Variants in GPHN observed in about 807,000 individuals in gnomAD.
GPHN encodes gephyrin.
In GPHN, 17 loss-of-function variants were observed where a neutral mutation model predicts 95.5. The observed-to-expected ratio is 0.18, with a 90% CI of 0.12 to 0.27. The LOEUF (loss-of-function observed/expected upper bound fraction) is 0.27, where lower values mean the gene tolerates loss of function less well. Among genes scored for constraint, GPHN ranks in the 10% least tolerant of loss-of-function variants. The pLI is 1.00. For missense variants in GPHN, 660 were observed against 978.1 expected (o/e 0.67, Z 4.34); for synonymous variants, 320 against 322.5 (o/e 0.99, Z 0.08).
At chr14:67,329,237 C>T in the GPHN span, among the ~76,000 whole-genome samples, 1 of 152,154 alleles carries the variant, frequency 6.6e-6, no homozygotes, top group African/African-American at 2.4e-5. Context: ...CTCTTTGTAG[C>T]AATTGTGAAT....
chr14:66,577,405 A>G (rs1723014889), intron 1 of GPHN, among the ~76,000 whole-genome samples: 1 of 152,176 alleles, frequency 6.6e-6, no homozygotes, highest in African/African-American at 2.4e-5. Flanking sequence ...TGTGCTTTCT[A>G]CCACACACCA....
the GPHN span, chr14:67,582,055 T>C: frequency 6.2e-6 from 10 of 1,603,910 alleles, no homozygotes; most frequent in South Asian, 1.0e-4. The surrounding 1 kb of genome is among the most constrained non-coding windows in gnomAD (Gnocchi z 5.0). Flanking sequence ...GGTTTCTTAT[T>C]CTCTTCTTTG....
chr14:67,663,074 G>A, the GPHN span: 1 of 1,471,930 alleles, frequency 6.8e-7, no homozygotes, highest in Non-Finnish European at 8.9e-7. Flanking sequence ...TTTTTCTCTG[G>A]GTGTGGCACC....
chr14:66,577,080 G>A (rs1187116014), intron 1 of GPHN, among the ~76,000 whole-genome samples: 4 of 152,106 alleles, frequency 2.6e-5, no homozygotes, highest in African/African-American at 9.7e-5. Flanking sequence ...CAGTTTAATT[G>A]CCTAGGAATC....
intron 1 of GPHN, 32 bp from the exon 2 acceptor site, chr14:66,681,075 A>G (rs1370819488): frequency 7.7e-7 from 1 of 1,305,274 alleles, no homozygotes; most frequent in Non-Finnish European, 1.1e-6. Context: ...GACAAAAATT[A>G]ATTTTTTTTT....
At chr14:66,517,524 C>T (rs1273928211) in intron 1 of GPHN, among the ~76,000 whole-genome samples, 1 of 152,182 alleles carries the variant, frequency 6.6e-6, no homozygotes, top group Non-Finnish European at 1.5e-5. Context: ...AGACATCATA[C>T]TATCAGACTT....
the GPHN span, among the ~76,000 whole-genome samples, chr14:67,732,536 CAAA>C: frequency 1.5e-5 from 2 of 130,126 alleles, no homozygotes; most frequent in African/African-American, 3.0e-5. Flanking sequence ...CCAAACAAAG[CAAA>C]AAAAAAAAAA....
chr14:67,320,999 AT>A, the GPHN span: 4 of 1,416,254 alleles, frequency 2.8e-6, no homozygotes, highest in Non-Finnish European at 4.0e-6. Flanking sequence ...TAGCAGAATT[AT>A]CCCCTGTCCT....
chr14:66,965,964 G>A (rs2069297401), intron 9 of GPHN, among the ~76,000 whole-genome samples: 1 of 152,098 alleles, frequency 6.6e-6, no homozygotes, highest in South Asian at 2.1e-4. Flanking sequence ...TTGTATACAT[G>A]ATAAATTAAC....
At chr14:67,105,834 T>C (rs1221784696) in intron 13 of GPHN, among the ~76,000 whole-genome samples, 1 of 152,158 alleles carries the variant, frequency 6.6e-6, no homozygotes, top group African/African-American at 2.4e-5. Context: ...CATTTAAGGT[T>C]ATTACTGATA....
At chr14:67,273,390 G>T in the GPHN span, among the ~76,000 whole-genome samples, 1 of 151,164 alleles carries the variant, frequency 6.6e-6, no homozygotes, top group Non-Finnish European at 1.5e-5. Flanking sequence ...TTCTGTCCTT[G>T]TGAAAATTTG....
chr14:66,692,357 C>T (rs2067839238), intron 2 of GPHN, among the ~76,000 whole-genome samples: 1 of 152,040 alleles, frequency 6.6e-6, no homozygotes, highest in Non-Finnish European at 1.5e-5. Context: ...CAACTACCTG[C>T]TAGGAACTAA....
intron 12 of GPHN, among the ~76,000 whole-genome samples, chr14:67,092,993 G>A (rs3784078): frequency 6.6e-6 from 1 of 151,788 alleles, no homozygotes; most frequent in East Asian, 1.9e-4. Flanking sequence ...GCAAAAATAT[G>A]TTAGAACTCC....
At chr14:66,790,456 C>T (rs2153471100) in intron 3 of GPHN, among the ~76,000 whole-genome samples, 1 of 152,284 alleles carries the variant, frequency 6.6e-6, no homozygotes, top group East Asian at 1.9e-4. Context: ...AAGCCTAGAG[C>T]AGTAAATTTT....
At chr14:67,620,055 G>A in the GPHN span, 1 of 1,611,204 alleles carries the variant, frequency 6.2e-7, no homozygotes, top group African/African-American at 1.3e-5. Context: ...TCCACTCCGT[G>A]GCTGTGATAG....
At chr14:67,137,484 CCAGGTGCAGTGGCT>C (rs1375547881) in intron 17 of GPHN, among the ~76,000 whole-genome samples, 6 of 152,010 alleles carry the variant, frequency 3.9e-5, no homozygotes, top group Non-Finnish European at 7.4e-5. Context: ...TATTTTTCGG[CCAGGTGCAGTGGCT>C]CATGCCTGTA....
rs539376496 is a variant in GPHN, at chr14:66,980,176, T to G, written c.963+14851T>G. ...ACAGAGACAGGAAGTGAGCACTTGC[T>G]GTTGGAAAATTGGTGACGATAGATT... is the stretch of plus-strand genomic sequence containing the variant. On this transcript the variant is annotated intron_variant, in intron 9 of 22. Coordinates refer to ENST00000478722, the MANE Select transcript of GPHN (RefSeq NM_020806.5). 3.9e-5 allele frequency among the ~76,000 whole-genome samples: 6 copies of G among 152,258 alleles called. No homozygotes were observed. In the East Asian group the frequency reaches 1.2e-3, roughly 29 times the overall value.
intron 1 of GPHN, among the ~76,000 whole-genome samples, chr14:66,588,398 T>C (rs1377996673): frequency 6.6e-6 from 1 of 152,060 alleles, no homozygotes. Context: ...GTTTGATGAA[T>C]TGACAAAATT....
chr14:66,987,689 G>A (rs1008122728), intron 9 of GPHN, among the ~76,000 whole-genome samples: 1 of 151,966 alleles, frequency 6.6e-6, no homozygotes, highest in Non-Finnish European at 1.5e-5. Flanking sequence ...GATGGTTATA[G>A]TATTTATTTT....
Sources: allele counts gnomAD v4.1 joint callset (sites outside exome capture counted in the v4.1 genomes callset), GRCh38; gene constraint gnomAD v4.1.1; non-coding constraint Gnocchi (gnomAD v3.1); transcripts MANE v1.5; gene names NCBI Gene and HGNC (gene_info 2026-07-23, HGNC 2026-07-21).